The following ZNF595 variants were observed in gnomAD, a reference collection of about 807,000 sequenced individuals.
ZNF595 encodes zinc finger protein 595.
ZNF595 carries 9 observed loss-of-function variants against 19.4 expected under a neutral mutation model. The observed-to-expected ratio is 0.46, with a 90% confidence interval of 0.28 to 0.81. ZNF595 has a LOEUF of 0.81. Ranked by LOEUF, ZNF595 falls within the 30% of genes least tolerant of loss-of-function variation. ZNF595 has a pLI of 0.11. For synonymous variants in ZNF595, 255 were observed against 255.9 expected, an observed-to-expected ratio of 1.00 and a Z score of 0.03; for missense variants, 729 against 736.0, an observed-to-expected ratio of 0.99 and a Z score of 0.11.
At position 85,873 on chromosome 4, in the gene ZNF595, TAAGGTGCAGA is replaced by T; in HGVS notation, c.374_383del (p.Val125GlufsTer38). 1 of 1,614,056 alleles carries T rather than the reference TAAGGTGCAGA, an allele frequency of 6.2e-7. No homozygotes were observed. The highest frequency in any genetic ancestry group is 1.1e-5 in the South Asian group (1 of 91,080). ...AAGGCTGTAAACGTGTGAATGAGTG[TAAGGTGCAGA>T]AAGGAGTTAATAATGGAGTTTACCA... On this transcript the variant is annotated frameshift_variant, in exon 4 of 4. Coordinates refer to ENST00000610261, the MANE Select transcript of ZNF595 (RefSeq NM_182524.4). LOFTEE classifies it low-confidence loss of function (END_TRUNC).
Position 81,009 on chromosome 4 carries a change from G to T in ZNF595, c.227-4722G>T, listed in dbSNP as rs374085249. ...CCCCCACCCCCTCTGACAGGCCCCGGTGTGTGATGTTCCTTCCCTGTGTCC... is the reference window on the plus strand; with the variant it reads ...CCCCCACCCCCTCTGACAGGCCCCGTTGTGTGATGTTCCTTCCCTGTGTCC... On this transcript the variant is annotated intron_variant, in intron 3 of 3. Coordinates refer to ENST00000610261, the MANE Select transcript of ZNF595 (RefSeq NM_182524.4). Among the ~76,000 whole-genome samples, 84 of 152,174 alleles carry T rather than the reference G, an allele frequency of 5.5e-4. No individual in the cohort carries two copies. In the South Asian group the frequency reaches 0.017, roughly 30 times the overall value.
rs1192372931 is a variant in ZNF595, at chr4:63,148, C to T, written c.226+2995C>T. Reference sequence around the variant, plus strand: ...GTATGCATGGATATGTTTCTGGGCTCCCTATTCTGTTGCATTGGTTTTTGT... The same window carrying T: ...GTATGCATGGATATGTTTCTGGGCTTCCTATTCTGTTGCATTGGTTTTTGT... On this transcript the variant is annotated intron_variant, in intron 3 of 3. Coordinates refer to ENST00000610261, the MANE Select transcript of ZNF595 (RefSeq NM_182524.4). 9.6e-4 allele frequency among the ~76,000 whole-genome samples: 134 copies of T among 139,950 alleles called. 14 individuals are homozygous for T. Among genetic ancestry groups the T allele is most frequent in the African/African-American group, 3.7e-3 (130 of 35,334 alleles). 91.8% of individuals were successfully genotyped at this position (139,950 alleles called of 152,430 possible). A position where few individuals can be genotyped will look rare whatever the true frequency, so the allele number is the denominator to read the frequency against.
intron 3 of ZNF595, among the ~76,000 whole-genome samples, chr4:61,256 C>T (rs1712849569): frequency 6.6e-6 from 1 of 152,284 alleles, no homozygotes; most frequent in South Asian, 2.1e-4. Context: ...CTGCAGCCTC[C>T]ACCTCCCGGG....
At position 79,435 on chromosome 4, in the gene ZNF595, T is replaced by C. The variant is rs115693784; in HGVS notation, c.227-6296T>C. On this transcript the variant is annotated intron_variant, in intron 3 of 3. Transcript: ENST00000610261. Reference sequence around the variant, plus strand: ...TGTAAATATCTATTTGAAGTCCTGCTTTATCATGTGGGTAATTAATATTTC... The same window carrying C: ...TGTAAATATCTATTTGAAGTCCTGCCTTATCATGTGGGTAATTAATATTTC... 3.4e-3 allele frequency among the ~76,000 whole-genome samples: 515 copies of C among 152,334 alleles called. 4 individuals carry two copies. Among genetic ancestry groups the C allele is most frequent in the African/African-American group, 0.012 (503 of 41,572 alleles).
intron 3 of ZNF595, among the ~76,000 whole-genome samples, chr4:77,171 A>G (rs572164024): frequency 2.0e-5 from 3 of 151,358 alleles, no homozygotes; most frequent in East Asian, 3.9e-4. Context: ...CAAATGACTT[A>G]ATTTTAACTT....
At chr4:76,717 C>G (rs1553798781) in intron 3 of ZNF595, among the ~76,000 whole-genome samples, 1 of 152,080 alleles carries the variant, frequency 6.6e-6, no homozygotes, top group Non-Finnish European at 1.5e-5. Context: ...GTATACTCTT[C>G]TTCGTTGTCA....
rs1714260176 is a variant in ZNF595, at chr4:87,281, A to C, written c.1777A>C (p.Thr593Pro). The change falls in exon 4 of 4, where the codon ACA (threonine) becomes CCA (proline). Residue 593 changes from threonine to proline, a missense_variant. Physicochemically the swap from Thr to Pro is conservative, Grantham distance 38 (BLOSUM62 -1). Coordinates refer to ENST00000610261, the MANE Select transcript of ZNF595 (RefSeq NM_182524.4). ...KRIHTGEKPF[T>P]CEECGKAFNW... ...AATTCATACTGGAGAGAAACCCTTC[A>C]CATGTGAAGAATGTGGCAAAGCCTT... The C allele has an allele frequency of 6.2e-7, 1 of 1,612,194 alleles. No homozygotes were observed. The highest frequency in any genetic ancestry group is 8.5e-7 in the Non-Finnish European group (1 of 1,179,292).
chr4:87,019 G>A lies in ZNF595; in HGVS notation c.1515G>A (p.Glu505=). Residue 505 remains glutamate (E), a synonymous_variant, in exon 4 of 4, where the codon GAG becomes GAA. Transcript: ENST00000610261. The part of the protein sequence containing the change: ...LNEHKNIHTG[E]KPYKCKECGK... Reference sequence around the variant, plus strand: ...AACATAAGAATATTCATACTGGAGAGAAACCCTACAAATGTAAAGAATGTG... The same window carrying A: ...AACATAAGAATATTCATACTGGAGAAAAACCCTACAAATGTAAAGAATGTG... 1 of 1,613,610 alleles carries A rather than the reference G, an allele frequency of 6.2e-7. No individual in the cohort carries two copies. The highest frequency in any genetic ancestry group is 1.1e-5 in the South Asian group (1 of 91,046).
intron 3 of ZNF595, among the ~76,000 whole-genome samples, chr4:61,456 T>G (rs11727918): frequency 0.066 from 8,092 of 121,696 alleles, no homozygotes; most frequent in South Asian, 0.12. Context: ...ATTTCTTAAA[T>G]GCACTATGTC....
rs1714278825 is a variant in ZNF595, at chr4:87,447, G to C, written c.1943G>C (p.Ser648Thr). 6.4e-7 allele frequency: 1 copy of C among 1,567,416 alleles called. No homozygotes were observed. The highest frequency in any genetic ancestry group is 8.6e-7 in the Non-Finnish European group (1 of 1,156,862). Reference sequence around the variant, plus strand: ...CGAATTCATACTGGCAAGGAACATAGTTGAATGACATTTCTAGTAATCTCT... The same window carrying C: ...CGAATTCATACTGGCAAGGAACATACTTGAATGACATTTCTAGTAATCTCT... ...HKRIHTGKEH[S>T] Residue 648 changes from serine (S) to threonine (T), a missense_variant, in exon 4 of 4, where the codon AGT becomes ACT. Ser to Thr is a moderately conservative substitution (Grantham distance 58). Coordinates refer to ENST00000610261, the MANE Select transcript of ZNF595 (RefSeq NM_182524.4).
At chr4:85,710 T>C in intron 3 of ZNF595, 21 bp from the exon 4 acceptor site, 1 of 1,528,354 alleles carries the variant, frequency 6.5e-7, no homozygotes, top group Non-Finnish European at 8.8e-7. Flanking sequence ...TGGGATAATT[T>C]GTTATTTTTA....
intron 3 of ZNF595, among the ~76,000 whole-genome samples, chr4:84,835 T>C (rs1714067122): frequency 6.6e-6 from 1 of 152,210 alleles, no homozygotes; most frequent in Non-Finnish European, 1.5e-5. Context: ...TTTAGTTGTA[T>C]GTGTTCCCCT....
chr4:85,658 C>A, intron 3 of ZNF595, 73 bp from the exon 4 acceptor site: 2 of 1,452,432 alleles, frequency 1.4e-6, no homozygotes, highest in Non-Finnish European at 1.8e-6. Context: ...TATACATTTT[C>A]GATATTACAT....
At chr4:77,650 T>C (rs1023774106) in intron 3 of ZNF595, among the ~76,000 whole-genome samples, 10 of 152,228 alleles carry the variant, frequency 6.6e-5, no homozygotes, top group Non-Finnish European at 1.5e-4. Flanking sequence ...ACTACTACTA[T>C]GTCTGCAGTG....
chr4:66,825 T>G (rs1206021705), intron 3 of ZNF595, among the ~76,000 whole-genome samples: 1 of 152,178 alleles, frequency 6.6e-6, no homozygotes, highest in African/African-American at 2.4e-5. Flanking sequence ...ACCACACTGT[T>G]TTTATTTAGC....
At chr4:70,771 T>TAAA (rs1713394705) in intron 3 of ZNF595, among the ~76,000 whole-genome samples, 1 of 152,266 alleles carries the variant, frequency 6.6e-6, no homozygotes, top group East Asian at 1.9e-4. Flanking sequence ...GAATCATTTA[T>TAAA]AGTTAAATAG....
Position 76,259 on chromosome 4 carries a change from G to A in ZNF595, c.227-9472G>A, listed in dbSNP as rs945570846. The stretch of plus-strand genomic sequence containing the variant: ...TTTTATGTATTTATTTTAGAGACAC[G>A]GTCCTGCTATATTGAGCAGGCTGGT... On this transcript the variant is annotated intron_variant, in intron 3 of 3. Transcript: ENST00000610261. Among the ~76,000 whole-genome samples, 15 of 152,054 alleles carry A rather than the reference G, an allele frequency of 9.9e-5. No individual in the cohort carries two copies. The South Asian group carries it at 1.2e-3, about 13-fold the overall frequency.
At chr4:74,714 A>C (rs1441291322) in intron 3 of ZNF595, among the ~76,000 whole-genome samples, 3 of 152,224 alleles carry the variant, frequency 2.0e-5, no homozygotes. Context: ...GGGGGCTTCC[A>C]GGTCATAGGT....
chr4:83,717 C>T (rs1714021031), intron 3 of ZNF595, among the ~76,000 whole-genome samples: 1 of 150,536 alleles, frequency 6.6e-6, no homozygotes, highest in African/African-American at 2.4e-5. Context: ...CATGTATTTC[C>T]AATGCAAAGA....
Sources: allele counts gnomAD v4.1 joint callset (sites outside exome capture counted in the v4.1 genomes callset), GRCh38; gene constraint gnomAD v4.1.1; transcripts MANE v1.5; gene names NCBI Gene and HGNC (gene_info 2026-07-23, HGNC 2026-07-21).